COL11A1: variants seen among roughly 807,000 people sequenced by gnomAD.
COL11A1 encodes collagen alpha-1(XI) chain.
In COL11A1, 74 loss-of-function variants were observed where a neutral mutation model predicts 265.2. The ratio of observed to expected loss-of-function variants is 0.28; its 90% CI spans 0.23 to 0.34. COL11A1 has a LOEUF of 0.34. Ranked by LOEUF, COL11A1 falls within the 10% of genes least tolerant of loss-of-function variation. The pLI is 1.00. For synonymous variants in COL11A1, 816 were observed against 727.6 expected (o/e 1.12, Z -1.96); for missense variants, 2,165 against 2,263.6 (o/e 0.96, Z 0.88).
rs1649659666 is a variant in COL11A1 at position 102,877,689 on chromosome 1, T to C, written c.*330A>G. On this transcript the variant is annotated 3_prime_UTR_variant, in exon 67 of 67. Transcript: ENST00000370096. ...TTAGTACATCCTGGATGGATGAGAA[T>C]GAGCACCATATTTTTTATGAATATA... is the stretch of plus-strand genomic sequence containing the variant. 3.6e-6 allele frequency: 1 copy of C among 280,472 alleles called. No individual in the cohort carries two copies. Among genetic ancestry groups the C allele is most frequent in the Non-Finnish European group, 6.9e-6 (1 of 144,246 alleles). The allele number at this position is 280,472 out of a possible 1,614,324, so 17.4% of individuals were successfully genotyped here.
At position 102,913,647 on chromosome 1, in the gene COL11A1, G is replaced by C; in HGVS notation, c.4022C>G (p.Pro1341Arg). The C allele has an allele frequency of 6.2e-7, 1 of 1,613,384 alleles. No homozygotes were observed. Among genetic ancestry groups the C allele is most frequent in the Non-Finnish European group, 8.5e-7 (1 of 1,179,604 alleles). ...VGGDKGEDGDPGQPGPPGPSG... is the reference protein window; with the variant it reads ...VGGDKGEDGDRGQPGPPGPSG... Reference sequence around the variant, plus strand: ...AGTGCATTTACTCACCGGTTGACCAGGATCTCCATCTTCACCCTTGTCACC... The same window carrying C: ...AGTGCATTTACTCACCGGTTGACCACGATCTCCATCTTCACCCTTGTCACC... Residue 1341 changes from proline (P) to arginine (R), a missense_variant, in exon 53 of 67, where the codon CCT becomes CGT. Physicochemically the swap from Pro to Arg is moderately radical, Grantham distance 103 (BLOSUM62 -2). Coordinates refer to ENST00000370096, the MANE Select transcript of COL11A1 (RefSeq NM_001854.4).
intron 30 of COL11A1, 103 bp from the exon 31 acceptor site, chr1:102,984,294 T>A: frequency 1.4e-6 from 1 of 710,722 alleles, no homozygotes; most frequent in Non-Finnish European, 2.3e-6. Context: ...TATTGTACAC[T>A]CAAAAGGAAG....
intron 35 of COL11A1, among the ~76,000 whole-genome samples, chr1:102,976,261 CTT>C (rs1202353080): frequency 4.3e-4 from 33 of 76,982 alleles, no homozygotes; most frequent in Non-Finnish European, 2.5e-4. Context: ...AAAATTGAGT[CTT>C]TATAAAATTT....
intron 28 of COL11A1, among the ~76,000 whole-genome samples, chr1:102,992,434 A>G (rs1010741427): frequency 4.6e-5 from 7 of 152,106 alleles, no homozygotes; most frequent in African/African-American, 1.4e-4. Flanking sequence ...CTAACTTGCT[A>G]TATCACCTTT....
In COL11A1 at chr1:103,072,581, G is replaced by A. The variant is rs553321335; in HGVS notation, c.651+2037C>T. ...TTATAATATAAACCAAAAATAAAAGGAAAAACATACTCGAATAAGTTTTTA... is the reference window on the plus strand; with the variant it reads ...TTATAATATAAACCAAAAATAAAAGAAAAAACATACTCGAATAAGTTTTTA... On this transcript the variant is annotated intron_variant, in intron 4 of 66. Transcript: ENST00000370096. 5.1e-4 allele frequency among the ~76,000 whole-genome samples: 78 copies of A among 151,716 alleles called. 1 individual carries two copies. The South Asian group carries it at 0.013, about 25-fold the overall frequency.
At position 103,108,107 on chromosome 1, in the gene COL11A1, C is replaced by T; in HGVS notation, c.72G>A (p.Leu24=). Residue 24 remains leucine (L), a synonymous_variant, in exon 1 of 67, where the codon TTG becomes TTA. Transcript: ENST00000370096. The stretch of plus-strand genomic sequence containing the variant: ...CCTCTCTAGCTTGGAAGAGGAAGGT[C>T]AATGCGAGGGTTGTTACGGTGAAAT... ...LWDFTVTTLA[L]TFLFQAREVR... The T allele has an allele frequency of 1.2e-6, 2 of 1,613,858 alleles. No homozygotes were observed. Among genetic ancestry groups the T allele is most frequent in the Non-Finnish European group, 1.7e-6 (2 of 1,179,986 alleles).
chr1:102,975,276 A>AC (rs1056632422), intron 35 of COL11A1, among the ~76,000 whole-genome samples: 1 of 151,908 alleles, frequency 6.6e-6, no homozygotes, highest in African/African-American at 2.4e-5. Flanking sequence ...AAAAAAAAAA[A>AC]AAAAAACTGT....
chr1:103,059,954 G>C (rs1484107615), intron 4 of COL11A1, among the ~76,000 whole-genome samples: 1 of 152,052 alleles, frequency 6.6e-6, no homozygotes, highest in Non-Finnish European at 1.5e-5. Flanking sequence ...ACCAACATTT[G>C]AAGCAATAGT....
At chr1:103,093,244 T>A (rs1356721364) in intron 1 of COL11A1, among the ~76,000 whole-genome samples, 7 of 152,064 alleles carry the variant, frequency 4.6e-5, no homozygotes, top group Non-Finnish European at 1.0e-4. Flanking sequence ...AGCTGAAGAA[T>A]TTAATGCCAA....
intron 51 of COL11A1, 37 bp from the exon 52 acceptor site, chr1:102,914,442 A>G (rs1233794057): frequency 4.5e-6 from 7 of 1,548,846 alleles, no homozygotes; most frequent in Non-Finnish European, 6.2e-6. Context: ...AAATAAATGA[A>G]AAATAAATTT....
intron 46 of COL11A1, among the ~76,000 whole-genome samples, chr1:102,931,373 G>T (rs562026958): frequency 0.059 from 8,662 of 147,470 alleles, 312 homozygotes; most frequent in Non-Finnish European, 0.084. Context: ...TCAGGAGCAG[G>T]TTGTTCAGTT....
chr1:103,086,129 T>G (rs1178721019), intron 1 of COL11A1, among the ~76,000 whole-genome samples: 2 of 152,204 alleles, frequency 1.3e-5, no homozygotes, highest in Non-Finnish European at 2.9e-5. Context: ...TCATATTTAT[T>G]TTAAACTAAA....
At chr1:102,883,373 G>A (rs1650511410) in intron 63 of COL11A1, 62 bp from the exon 64 acceptor site, 2 of 1,023,900 alleles carry the variant, frequency 2.0e-6, no homozygotes, top group African/African-American at 3.2e-5. Context: ...GAATGCATTA[G>A]ATGTCAAATT....
chr1:103,104,541 T>C (rs1472962608), intron 1 of COL11A1, among the ~76,000 whole-genome samples: 1 of 152,200 alleles, frequency 6.6e-6, no homozygotes, highest in East Asian at 1.9e-4. Context: ...TTTTAGAGAA[T>C]AACTTCTATA....
intron 4 of COL11A1, among the ~76,000 whole-genome samples, chr1:103,058,967 T>C (rs1340802078): frequency 6.6e-6 from 1 of 152,060 alleles, no homozygotes; most frequent in Non-Finnish European, 1.5e-5. Flanking sequence ...ATAATAATAA[T>C]AAAAAGTTTA....
chr1:103,015,678 A>G lies in COL11A1; in HGVS notation c.1478T>C (p.Leu493Ser). The G allele has an allele frequency of 6.2e-7, 1 of 1,607,758 alleles. No individual in the cohort carries two copies. The highest frequency in any genetic ancestry group is 8.5e-7 in the Non-Finnish European group (1 of 1,176,210). Reference sequence around the variant, plus strand: ...TAAAAAAGAACATACCGGTAACATCAACATAGTACCAGGAGGACCAGGTAG... The same window carrying G: ...TAAAAAAGAACATACCGGTAACATCGACATAGTACCAGGAGGACCAGGTAG... ...DGLPGPPGTM[L>S]MLPFRYGGDG... The change falls in exon 12 of 67, where the codon TTG (leucine) becomes TCG (serine). Residue 493 changes from leucine to serine, a missense_variant. Physicochemically the swap from Leu to Ser is moderately radical, Grantham distance 145 (BLOSUM62 -2). Coordinates refer to ENST00000370096, the MANE Select transcript of COL11A1 (RefSeq NM_001854.4).
Position 103,004,491 on chromosome 1 carries a change from G to C in COL11A1, c.1900-3C>G. ...GGTCCAATTTCTCCATCTTCTCCCT[G>C]TCATTGACAAAATGAATGAGAGTAT... On this transcript the variant is annotated splice_polypyrimidine_tract_variant and splice_region_variant and intron_variant, in intron 19 of 66. Transcript: ENST00000370096. 1 of 1,611,226 alleles carries C rather than the reference G, an allele frequency of 6.2e-7. No homozygotes were observed. The highest frequency in any genetic ancestry group is 8.5e-7 in the Non-Finnish European group (1 of 1,178,046).
chr1:102,997,259 T>C, intron 25 of COL11A1, 135 bp from the exon 26 acceptor site: 2 of 826,218 alleles, frequency 2.4e-6, no homozygotes, highest in Non-Finnish European at 4.1e-6. Context: ...CACTTTTGCA[T>C]CAGTGTGTAT....
At chr1:103,095,908 A>G (rs566794716) in intron 1 of COL11A1, among the ~76,000 whole-genome samples, 1 of 152,070 alleles carries the variant, frequency 6.6e-6, no homozygotes. Flanking sequence ...TACTGCTATA[A>G]AAAAGATTGA....
Sources: gnomAD v4.1 joint callset for allele counts (sites outside exome capture counted in the v4.1 genomes callset) on GRCh38, gnomAD v4.1.1 for gene constraint, MANE v1.5 for transcripts, NCBI Gene and HGNC (gene_info 2026-07-23, HGNC 2026-07-21) for gene names.